HEATR4: variants seen among roughly 807,000 people sequenced by gnomAD.
HEATR4 encodes the protein HEAT repeat-containing protein 4.
Under a neutral mutation model 108.8 loss-of-function variants are expected in HEATR4, and 95 were observed. That is an observed-to-expected ratio of 0.87 (90% CI 0.74 to 1.04). The LOEUF is 1.04. Ranked by LOEUF, HEATR4 falls within the 50% of genes least tolerant of loss-of-function variation. The pLI is 0.00. For synonymous variants in HEATR4, 443 were observed against 459.4 expected, an observed-to-expected ratio of 0.96 and a Z score of 0.46; for missense variants, 1,152 against 1,253.8, an observed-to-expected ratio of 0.92 and a Z score of 1.23.
chr14:73,499,192 C>A, intron 12 of HEATR4, 52 bp from the exon 13 acceptor site: 1 of 1,519,914 alleles, frequency 6.6e-7, no homozygotes, highest in South Asian at 1.1e-5. Flanking sequence ...AAGAATGAAC[C>A]AGAAACAGCT....
chr14:73,605,472 C>T, the HEATR4 span, among the ~76,000 whole-genome samples: 1 of 151,648 alleles, frequency 6.6e-6, no homozygotes, highest in South Asian at 2.1e-4. Context: ...AACAAACCTC[C>T]TCGCCTGGGA....
chr14:73,612,457 A>C, the HEATR4 span: 1 of 682,990 alleles, frequency 1.5e-6, no homozygotes, highest in Non-Finnish European at 2.1e-6. Context: ...AAGTCCAACC[A>C]ATGGGAGTAG....
At chr14:73,617,246 G>A in the HEATR4 span, 3 of 1,611,396 alleles carry the variant, frequency 1.9e-6, no homozygotes, top group East Asian at 2.2e-5. Flanking sequence ...GCTGATGCAG[G>A]GCTGAATCCA....
chr14:73,571,035 C>G, the HEATR4 span: 7 of 147,548 alleles, frequency 4.7e-5, no homozygotes, highest in Non-Finnish European at 7.4e-5. Context: ...TCCATGGCAG[C>G]TAGGAGGTGC....
the HEATR4 span, among the ~76,000 whole-genome samples, chr14:73,602,335 G>A: frequency 6.6e-6 from 1 of 152,160 alleles, no homozygotes; most frequent in Non-Finnish European, 1.5e-5. Flanking sequence ...ATGAATGCAG[G>A]ATGTGGGCAA....
In HEATR4 at chr14:73,524,310, A is replaced by AATATAT. The variant is rs58047390; in HGVS notation, c.-72-1092_-72-1087dup. 2.9e-3 allele frequency among the ~76,000 whole-genome samples: 157 copies of AATATAT among 54,744 alleles called. 1 individual carries two copies. The highest frequency in any genetic ancestry group is 0.013 in the Middle Eastern group (1 of 76). The allele number at this position is 54,744 out of a possible 152,430, so 35.9% of individuals were successfully genotyped here. A position where few individuals can be genotyped will look rare whatever the true frequency, so the allele number is the denominator to read the frequency against. On this transcript the variant is annotated intron_variant, in intron 2 of 17. Transcript: ENST00000553558. ...CTCCGTCTCAAAAAAAAAAAAAAAA[A>AATATAT]ATATATATATATATATATATATATA... is the stretch of plus-strand genomic sequence containing the variant.
chr14:73,578,565 CT>C, the HEATR4 span, among the ~76,000 whole-genome samples: 11 of 152,104 alleles, frequency 7.2e-5, no homozygotes, highest in African/African-American at 2.4e-4. Flanking sequence ...AGGCATTTTT[CT>C]TTTTATTTTC....
chr14:73,576,803 A>G, the HEATR4 span, among the ~76,000 whole-genome samples: 1 of 147,548 alleles, frequency 6.8e-6, no homozygotes, highest in Non-Finnish European at 1.5e-5. Context: ...CAAAAAAAAA[A>G]AAAAAAAAAA....
intron 2 of HEATR4, among the ~76,000 whole-genome samples, chr14:73,528,775 T>C (rs567815947): frequency 6.6e-6 from 1 of 152,180 alleles, no homozygotes; most frequent in Non-Finnish European, 1.5e-5. Context: ...ATTATTAGTT[T>C]AGAGGATGGA....
At chr14:73,499,565 A>G (rs1372215874) in intron 12 of HEATR4, among the ~76,000 whole-genome samples, 1 of 152,198 alleles carries the variant, frequency 6.6e-6, no homozygotes, top group East Asian at 1.9e-4. Flanking sequence ...TAATTGAAAA[A>G]TGACCTATCA....
chr14:73,558,119 A>G (rs537629023), intron 1 of HEATR4, among the ~76,000 whole-genome samples: 29 of 120,194 alleles, frequency 2.4e-4, no homozygotes, highest in African/African-American at 8.0e-4. Context: ...TAAAGAAAGC[A>G]CAGCCCAAAG....
intron 17 of HEATR4, among the ~76,000 whole-genome samples, chr14:73,489,931 G>C (rs1234123388): frequency 6.6e-6 from 1 of 152,242 alleles, no homozygotes; most frequent in Admixed American, 6.5e-5. Flanking sequence ...CAGAGCAGAA[G>C]TTTCTGCGGA....
At chr14:73,564,721 G>GTTTTTTTTTTT in the HEATR4 span, among the ~76,000 whole-genome samples, 5 of 83,564 alleles carry the variant, frequency 6.0e-5, 1 homozygote, top group African/African-American at 1.0e-4. Context: ...TATCTTTTCT[G>GTTTTTTTTTTT]TTTTTTGTTT....
At chr14:73,518,831 C>T (rs1887796692) in intron 5 of HEATR4, among the ~76,000 whole-genome samples, 192 bp downstream of exon 5, 1 of 152,174 alleles carries the variant, frequency 6.6e-6, no homozygotes, top group Admixed American at 6.5e-5. Context: ...TCCTGTGAGG[C>T]TCTTCCTAGT....
intron 8 of HEATR4, among the ~76,000 whole-genome samples, chr14:73,509,074 C>G (rs73293444): frequency 0.019 from 2,844 of 152,132 alleles, 59 homozygotes; most frequent in African/African-American, 0.04. Context: ...GTTATGTTGC[C>G]CAGGCTGGTT....
the HEATR4 span, chr14:73,568,998 T>C: frequency 1.9e-6 from 1 of 531,404 alleles, no homozygotes; most frequent in Non-Finnish European, 3.3e-6. Flanking sequence ...GACTGCTAGC[T>C]GCCTGGTTCT....
upstream of HEATR4, among the ~76,000 whole-genome samples, chr14:73,559,761 A>G (rs1037355730): frequency 3.3e-5 from 5 of 151,964 alleles, no homozygotes; most frequent in Non-Finnish European, 7.4e-5. Context: ...AAAATAAAAA[A>G]ACCCTCTAGA....
chr14:73,620,100 C>A, the HEATR4 span, among the ~76,000 whole-genome samples: 1 of 152,040 alleles, frequency 6.6e-6, no homozygotes, highest in Non-Finnish European at 1.5e-5. Context: ...TTAGTAGAGA[C>A]AAGGTTTCGC....
chr14:73,522,532 C>T lies in HEATR4; in HGVS notation c.621G>A (p.Leu207=). ...GGGCTGTGCGCTCGTTCAGCTTTTC[C>T]AGCACAGTGGCCTCCCACGCTCTGG... ...KEARAWEATV[L]EKLNERTARW... Residue 207 remains leucine (L), a synonymous_variant, in exon 3 of 18, where the codon CTG becomes CTA. Coordinates refer to ENST00000553558, the MANE Select transcript of HEATR4 (RefSeq NM_001220484.1). The T allele has an allele frequency of 1.2e-6, 2 of 1,614,200 alleles. No individual in the cohort carries two copies. The highest frequency in any genetic ancestry group is 2.2e-5 in the South Asian group (2 of 91,086).
Sources: allele counts gnomAD v4.1 joint callset (sites outside exome capture counted in the v4.1 genomes callset), GRCh38; gene constraint gnomAD v4.1.1; transcripts MANE v1.5; gene names NCBI Gene and HGNC (gene_info 2026-07-23, HGNC 2026-07-21).